Variants in PRKCE observed in about 807,000 individuals in gnomAD.
PRKCE encodes protein kinase C epsilon, also known as protein kinase C epsilon type.
A neutral mutation model predicts 85.4 loss-of-function variants in PRKCE; 16 were observed. The observed-to-expected ratio is 0.19, with a 90% CI of 0.13 to 0.28. PRKCE has a LOEUF of 0.28. Among genes scored for constraint, PRKCE ranks in the 10% least tolerant of loss-of-function variants. PRKCE has a pLI of 1.00. For synonymous variants in PRKCE, 388 were observed against 371.5 expected, an observed-to-expected ratio of 1.04 and a Z score of -0.51; for missense variants, 573 against 975.2, an observed-to-expected ratio of 0.59 and a Z score of 5.49.
At chr2:45,685,080 C>T (rs17033994) in intron 1 of PRKCE, among the ~76,000 whole-genome samples, 3,043 of 152,204 alleles carry the variant, frequency 0.02, 97 homozygotes, top group African/African-American at 0.07. Context: ...TGAATCAAGA[C>T]GAGAATAAAA....
At position 45,677,705 on chromosome 2, in the gene PRKCE, A is replaced by G. The variant is rs148235467; in HGVS notation, c.348+25257A>G. On this transcript the variant is annotated intron_variant, in intron 1 of 14. Coordinates refer to ENST00000306156, the MANE Select transcript of PRKCE (RefSeq NM_005400.3). Reference sequence around the variant, plus strand: ...GGATGGACTAGACATGGATTAGAACATTAGGAAACTGCTTTAGGTATTTAG... The same window carrying G: ...GGATGGACTAGACATGGATTAGAACGTTAGGAAACTGCTTTAGGTATTTAG... The G allele has an allele frequency of 9.7e-3, 1,910 of 196,878 alleles. 36 individuals carry two copies. The highest frequency in any genetic ancestry group is 0.042 in the African/African-American group (1,794 of 42,438). 12.2% of individuals were successfully genotyped at this position (196,878 alleles called of 1,614,324 possible). A position where few individuals can be genotyped will look rare whatever the true frequency, so the allele number is the denominator to read the frequency against.
chr2:46,141,142 A>G (rs1045329101), intron 11 of PRKCE, among the ~76,000 whole-genome samples: 2 of 148,974 alleles, frequency 1.3e-5, no homozygotes, highest in Non-Finnish European at 2.9e-5. Context: ...TTTCTAGGAA[A>G]TGTGTATAGT....
At chr2:46,124,894 T>C (rs1673698900) in intron 11 of PRKCE, among the ~76,000 whole-genome samples, 1 of 152,190 alleles carries the variant, frequency 6.6e-6, no homozygotes, top group African/African-American at 2.4e-5. Flanking sequence ...ACTTAATCGA[T>C]GAATATGGTA....
At chr2:45,732,714 C>T (rs897619892) in intron 1 of PRKCE, among the ~76,000 whole-genome samples, 4 of 152,312 alleles carry the variant, frequency 2.6e-5, no homozygotes, top group Non-Finnish European at 4.4e-5. Flanking sequence ...CAGCACCTAA[C>T]ACACTATTTG....
chr2:45,677,925 A>T, intron 1 of PRKCE: 2 of 982,552 alleles, frequency 2.0e-6, no homozygotes, highest in Non-Finnish European at 2.4e-6. Context: ...CGGTAGGAGC[A>T]TATCAGTAGC....
chr2:46,070,447 T>G (rs770057196), intron 10 of PRKCE, among the ~76,000 whole-genome samples: 2 of 152,116 alleles, frequency 1.3e-5, no homozygotes, highest in East Asian at 1.9e-4. Context: ...ATCAAGACCA[T>G]CCTGGCCAAC....
At chr2:45,861,502 A>T (rs1693158771) in intron 2 of PRKCE, among the ~76,000 whole-genome samples, 1 of 152,222 alleles carries the variant, frequency 6.6e-6, no homozygotes, top group African/African-American at 2.4e-5. Flanking sequence ...TAGCAAAAAA[A>T]TATAGAGTAG....
chr2:46,077,178 C>CAG (rs1172878481), intron 10 of PRKCE, among the ~76,000 whole-genome samples: 2 of 151,884 alleles, frequency 1.3e-5, no homozygotes, highest in African/African-American at 4.8e-5. Flanking sequence ...CACACACACA[C>CAG]ACACACACAC....
At chr2:45,705,499 T>C (rs1679040212) in intron 1 of PRKCE, among the ~76,000 whole-genome samples, 1 of 152,204 alleles carries the variant, frequency 6.6e-6, no homozygotes, top group Admixed American at 6.5e-5. Flanking sequence ...CACCGCATGC[T>C]CCAACCAGAC....
rs1430763871 is a variant in PRKCE at position 45,977,631 on chromosome 2, T to A, written c.572+1043T>A. On this transcript the variant is annotated intron_variant, in intron 3 of 14. Coordinates refer to ENST00000306156, the MANE Select transcript of PRKCE (RefSeq NM_005400.3). ...CAACCTGGGTGTGACAGAGTGAGAC[T>A]CTGTCTTAAAAAAAAAAAAAAATCT... Among the ~76,000 whole-genome samples, 6 of 141,824 alleles carry A rather than the reference T, an allele frequency of 4.2e-5. No homozygotes were observed. In the East Asian group the frequency reaches 1.5e-3, roughly 35 times the overall value. The allele number at this position is 141,824 out of a possible 152,430, so 93.0% of individuals were successfully genotyped here.
rs562789596 is a variant in PRKCE at position 46,055,380 on chromosome 2, C to T, written c.1438-30828C>T. ...GAGTGGAGTCTGCCCCTGCCAGCAC[C>T]GAAGCGGCTGGCTAGTTCTAGCGCC... On this transcript the variant is annotated intron_variant, in intron 10 of 14. Transcript: ENST00000306156. Among the ~76,000 whole-genome samples the T allele has an allele frequency of 3.8e-4, 58 of 152,354 alleles. 1 individual carries two copies. Among genetic ancestry groups the T allele is most frequent in the African/African-American group, 1.4e-3 (58 of 41,588 alleles).
intron 5 of PRKCE, among the ~76,000 whole-genome samples, chr2:45,982,006 A>AT (rs1702927768): frequency 6.6e-6 from 1 of 152,240 alleles, no homozygotes; most frequent in Non-Finnish European, 1.5e-5. Context: ...CTTTCCTGGC[A>AT]TATTGAGCAG....
At chr2:45,882,314 C>G (rs1030650298) in intron 2 of PRKCE, among the ~76,000 whole-genome samples, 1 of 152,184 alleles carries the variant, frequency 6.6e-6, no homozygotes, top group Non-Finnish European at 1.5e-5. Flanking sequence ...GCTGCCGTAT[C>G]TCTTGTAGCC....
chr2:46,056,963 T>G lies in PRKCE; in HGVS notation c.1438-29245T>G, dbSNP rs1021243084. Among the ~76,000 whole-genome samples the G allele has an allele frequency of 1.7e-4, 26 of 152,178 alleles. 1 individual carries two copies. The highest frequency in any genetic ancestry group is 5.8e-4 in the African/African-American group (24 of 41,434). On this transcript the variant is annotated intron_variant, in intron 10 of 14. Coordinates refer to ENST00000306156, the MANE Select transcript of PRKCE (RefSeq NM_005400.3). ...AGAGGCTCAGCTGGTTGGTTCTGGC[T>G]CAGGGCCTCTTGTGTGGCTACAGAG...
At chr2:45,715,897 T>TC (rs1305163400) in intron 1 of PRKCE, among the ~76,000 whole-genome samples, 1 of 152,010 alleles carries the variant, frequency 6.6e-6, no homozygotes, top group African/African-American at 2.4e-5. Context: ...TTTTCTGCAC[T>TC]CCCCCCATGA....
chr2:45,750,802 CT>C (rs1417906682), intron 1 of PRKCE, among the ~76,000 whole-genome samples: 1 of 152,112 alleles, frequency 6.6e-6, no homozygotes, highest in African/African-American at 2.4e-5. Context: ...GTATTGCATG[CT>C]TGGTAAGTGT....
intron 2 of PRKCE, among the ~76,000 whole-genome samples, chr2:45,930,887 C>G (rs779853516): frequency 2.0e-5 from 3 of 152,162 alleles, no homozygotes; most frequent in Admixed American, 6.5e-5. Context: ...TAAAAGCAGT[C>G]AGATTCTTCC....
chr2:45,974,545 C>T (rs1042090570), intron 2 of PRKCE, among the ~76,000 whole-genome samples: 2 of 152,220 alleles, frequency 1.3e-5, no homozygotes, highest in Non-Finnish European at 2.9e-5. Context: ...AAACAGCTGC[C>T]TGTTTGCTCA....
chr2:46,151,300 C>T (rs1676606194), intron 13 of PRKCE, 71 bp downstream of exon 13: 16 of 1,132,614 alleles, frequency 1.4e-5, no homozygotes, highest in Non-Finnish European at 1.5e-5. Context: ...CACACACACA[C>T]ACACACACAC....
Sources: allele counts gnomAD v4.1 joint callset (sites outside exome capture counted in the v4.1 genomes callset), GRCh38; gene constraint gnomAD v4.1.1; transcripts MANE v1.5; gene names NCBI Gene and HGNC (gene_info 2026-07-23, HGNC 2026-07-21).